IL6: variants seen among roughly 807,000 people sequenced by gnomAD.
The protein encoded by IL6 is interleukin-6.
IL6 carries 5 observed loss-of-function variants against 18.0 expected under a neutral mutation model. That is an observed-to-expected ratio of 0.28 (90% confidence interval 0.15 to 0.58). The LOEUF (loss-of-function observed/expected upper bound fraction) is 0.58. IL6 is among the 20% of genes least tolerant of loss of function. The pLI is 0.90. For missense variants in IL6, 266 were observed against 251.0 expected (o/e 1.06, Z -0.40); for synonymous variants, 97 against 95.1 (o/e 1.02, Z -0.12).
At chr7:22,731,350 C>A in intron 4 of IL6, 56 bp from the exon 5 acceptor site, 7 of 1,387,808 alleles carry the variant, frequency 5.0e-6, no homozygotes, top group Non-Finnish European at 6.8e-6. Flanking sequence ...CATCCCTCCA[C>A]TGCAAAGGAT....
chr7:22,727,515 C>T lies in IL6; in HGVS notation c.91C>T (p.Pro31Ser), dbSNP rs142759801. The T allele has an allele frequency of 1.2e-6, 2 of 1,613,972 alleles. No homozygotes were observed. Among genetic ancestry groups the T allele is most frequent in the Non-Finnish European group, 1.7e-6 (2 of 1,179,946 alleles). ...GCCTGCTGCCTTCCCTGCCCCAGTA[C>T]CCCCAGGAGAAGATTCCAAAGATGT... The part of the protein sequence containing the change: ...VLPAAFPAPV[P>S]PGEDSKDVAA... The change falls in exon 2 of 5, where the codon CCC (proline) becomes TCC (serine). Residue 31 changes from proline to serine, a missense_variant. Pro to Ser is a moderately conservative substitution (Grantham distance 74). Transcript: ENST00000258743.
chr7:22,728,670 A>G (rs1583433251), intron 2 of IL6, 23 bp from the exon 3 acceptor site: 6 of 1,367,450 alleles, frequency 4.4e-6, no homozygotes, highest in Non-Finnish European at 6.3e-6. Flanking sequence ...TTAGGTGATA[A>G]CAATTCTGGT....
rs1334287578 is a variant in IL6 at position 22,727,566 on chromosome 7, A to G, written c.142A>G (p.Thr48Ala). 2.4e-5 allele frequency: 38 copies of G among 1,604,410 alleles called. No individual in the cohort carries two copies. Among genetic ancestry groups the G allele is most frequent in the Non-Finnish European group, 3.2e-5 (38 of 1,176,288 alleles). Reference sequence around the variant, plus strand: ...AGCCGCCCCACACAGACAGCCACTCACCTCTTCAGAACGAATTGACAAACA... The same window carrying G: ...AGCCGCCCCACACAGACAGCCACTCGCCTCTTCAGAACGAATTGACAAACA... ...DVAAPHRQPL[T>A]SSERIDKQIR... Residue 48 changes from threonine (T) to alanine (A), a missense_variant, in exon 2 of 5, where the codon ACC becomes GCC. Coordinates refer to ENST00000258743, the MANE Select transcript of IL6 (RefSeq NM_000600.5).
Position 22,727,530 on chromosome 7 carries a change from T to C in IL6, c.106T>C (p.Ser36Pro). The C allele has an allele frequency of 6.2e-7, 1 of 1,613,634 alleles. No homozygotes were observed. The change falls in exon 2 of 5, where the codon TCC becomes CCC. Residue 36 changes from serine (S) to proline (P), a missense_variant. Ser to Pro is a moderately conservative substitution (Grantham distance 74, BLOSUM62 -1). Coordinates refer to ENST00000258743, the MANE Select transcript of IL6 (RefSeq NM_000600.5). ...FPAPVPPGED[S>P]KDVAAPHRQP... ...TGCCCCAGTACCCCCAGGAGAAGAT[T>C]CCAAAGATGTAGCCGCCCCACACAG...
At chr7:22,728,895 CA>C in intron 3 of IL6, 89 bp downstream of exon 3, 1 of 753,860 alleles carries the variant, frequency 1.3e-6, no homozygotes, top group Non-Finnish European at 2.4e-6. Flanking sequence ...TAGATCCAGG[CA>C]GCAACAAAAA....
intron 3 of IL6, among the ~76,000 whole-genome samples, chr7:22,729,279 C>T (rs1427214995): frequency 6.6e-6 from 1 of 152,170 alleles, no homozygotes; most frequent in African/African-American, 2.4e-5. Context: ...AGAAGGATCC[C>T]CATTGCCACA....
intron 4 of IL6, 84 bp downstream of exon 4, chr7:22,729,744 C>A: frequency 6.2e-7 from 1 of 1,607,068 alleles, no homozygotes; most frequent in Admixed American, 1.7e-5. Context: ...GGATGCAATG[C>A]CACTTCCAAA....
At chr7:22,727,361 A>T in intron 1 of IL6, 80 bp downstream of exon 1, 1 of 1,613,638 alleles carries the variant, frequency 6.2e-7, no homozygotes, top group Non-Finnish European at 8.5e-7. Context: ...TGGCCCAGGG[A>T]GGGCTGGCGG....
At chr7:22,730,840 C>T (rs1170167452) in intron 4 of IL6, among the ~76,000 whole-genome samples, 19 of 152,086 alleles carry the variant, frequency 1.2e-4, no homozygotes. Context: ...TAGCAAGACC[C>T]CATCTCTACA....
intron 2 of IL6, among the ~76,000 whole-genome samples, chr7:22,727,952 C>T (rs1279325607): frequency 4.6e-5 from 7 of 152,100 alleles, no homozygotes; most frequent in Non-Finnish European, 1.0e-4. Context: ...TTTTGTCCCC[C>T]GGGCTTTGGA....
At chr7:22,731,320 C>T (rs111899782) in intron 4 of IL6, 86 bp from the exon 5 acceptor site, 24 of 1,067,726 alleles carry the variant, frequency 2.2e-5, no homozygotes, top group Non-Finnish European at 2.8e-5. Flanking sequence ...CACATTTGAA[C>T]ATCATCCCAT....
In IL6 at chr7:22,727,270, CCTT is replaced by C. The variant is rs1034241131; in HGVS notation, c.11_13del (p.Phe4del). ...CCCTCCAGGAGCCCAGCTATGAACT[CCTT>C]CTCCACAAGTAAGTGCAGGAAATCC... On this transcript the variant is annotated inframe_deletion, in exon 1 of 5. Transcript: ENST00000258743. 9 of 1,613,812 alleles carry C rather than the reference CCTT, an allele frequency of 5.6e-6. No homozygotes were observed. The highest frequency in any genetic ancestry group is 1.7e-5 in the Admixed American group (1 of 60,000).
rs142164099 is a variant in IL6 at position 22,728,731 on chromosome 7, G to C, written c.249G>C (p.Glu83Asp). 6.2e-6 allele frequency: 10 copies of C among 1,613,018 alleles called. No individual in the cohort carries two copies. Among genetic ancestry groups the C allele is most frequent in the African/African-American group, 1.3e-5 (1 of 75,012 alleles). Residue 83 changes from glutamate to aspartate, a missense_variant, in exon 3 of 5, where the codon GAG becomes GAC. Transcript: ENST00000258743. ...NKSNMCESSK[E>D]ALAENNLNLP... ...GTAACATGTGTGAAAGCAGCAAAGA[G>C]GCACTGGCAGAAAACAACCTGAACC...
chr7:22,731,672 T>A lies in IL6; in HGVS notation c.*99T>A. ...ACTTATGTTGTTCTCTATGGAGAAC[T>A]AAAAGTATGAGCGTTAGGACACTAT... On this transcript the variant is annotated 3_prime_UTR_variant, in exon 5 of 5. Transcript: ENST00000258743. 5.6e-6 allele frequency: 4 copies of A among 710,582 alleles called. No individual in the cohort carries two copies. The highest frequency in any genetic ancestry group is 5.6e-5 in the South Asian group (1 of 17,764). The allele number at this position is 710,582 out of a possible 1,614,324, so 44.0% of individuals were successfully genotyped here.
At chr7:22,729,403 A>C (rs1339169080) in intron 3 of IL6, 111 bp from the exon 4 acceptor site, 8 of 992,378 alleles carry the variant, frequency 8.1e-6, no homozygotes, top group Non-Finnish European at 1.2e-5. Flanking sequence ...GAGGTACTTG[A>C]AGTTCTCTAG....
intron 3 of IL6, 49 bp downstream of exon 3, chr7:22,728,855 T>C (rs1175745903): frequency 9.4e-7 from 1 of 1,066,890 alleles, no homozygotes; most frequent in Admixed American, 1.7e-5. Flanking sequence ...GCAAAACTTC[T>C]CCCTCTTGCA....
At position 22,731,611 on chromosome 7, in the gene IL6, C is replaced by T. The variant is rs368219445; in HGVS notation, c.*38C>T. ...AGATTGTTGTTGTTAATGGGCATTC[C>T]TTCTTCTGGTCAGAAACCTGTCCAC... On this transcript the variant is annotated 3_prime_UTR_variant, in exon 5 of 5. Coordinates refer to ENST00000258743, the MANE Select transcript of IL6 (RefSeq NM_000600.5). The T allele has an allele frequency of 2.6e-6, 4 of 1,511,304 alleles. No individual in the cohort carries two copies. Among genetic ancestry groups the T allele is most frequent in the Non-Finnish European group, 3.6e-6 (4 of 1,113,982 alleles). 93.6% of individuals were successfully genotyped at this position (1,511,304 alleles called of 1,614,324 possible).
At chr7:22,730,707 A>C (rs1346639413) in intron 4 of IL6, among the ~76,000 whole-genome samples, 1 of 152,188 alleles carries the variant, frequency 6.6e-6, no homozygotes, top group Non-Finnish European at 1.5e-5. Flanking sequence ...GAATACAAAC[A>C]AATAAGATAG....
intron 2 of IL6, 69 bp downstream of exon 2, chr7:22,727,703 C>CG: frequency 1.3e-6 from 2 of 1,499,090 alleles, no homozygotes; most frequent in South Asian, 2.7e-5. Context: ...TGCGTGTGGC[C>CG]GGGGGCTGCC....
Sources: gnomAD v4.1 joint callset for allele counts (sites outside exome capture counted in the v4.1 genomes callset) on GRCh38, gnomAD v4.1.1 for gene constraint, MANE v1.5 for transcripts, NCBI Gene and HGNC (gene_info 2026-07-23, HGNC 2026-07-21) for gene names.